The following PDE10A variants were observed in gnomAD, a reference collection of about 807,000 sequenced individuals.
The protein encoded by PDE10A is cAMP and cAMP-inhibited cGMP 3',5'-cyclic phosphodiesterase 10A.
Under a neutral mutation model 97.7 loss-of-function variants are expected in PDE10A, and 39 were observed. That is an observed-to-expected ratio of 0.40 (90% confidence interval 0.31 to 0.52). The LOEUF is 0.52. PDE10A is among the 20% of genes least tolerant of loss of function. The pLI, the probability that PDE10A is intolerant of heterozygous loss-of-function variation, is 0.56. For synonymous variants in PDE10A, 371 were observed against 376.8 expected (o/e 0.98, Z 0.18); for missense variants, 731 against 1,047.8 (o/e 0.70, Z 4.17).
chr6:165,674,768 A>T (rs1790748525), intron 1 of PDE10A, among the ~76,000 whole-genome samples: 1 of 152,190 alleles, frequency 6.6e-6, no homozygotes, highest in Admixed American at 6.5e-5. Context: ...GTACATAGTC[A>T]GTTGCCTCTG....
chr6:165,827,413 A>T (rs577550925), intron 1 of PDE10A, among the ~76,000 whole-genome samples: 2 of 152,330 alleles, frequency 1.3e-5, no homozygotes, highest in South Asian at 4.1e-4. Context: ...AACTCCTCCC[A>T]GTAATTCCTG....
At chr6:165,792,315 T>C (rs1405888720) in intron 1 of PDE10A, among the ~76,000 whole-genome samples, 3 of 152,182 alleles carry the variant, frequency 2.0e-5, no homozygotes, top group African/African-American at 7.2e-5. Flanking sequence ...GGACGCAGGC[T>C]GCAGAGGGCC....
intron 1 of PDE10A, among the ~76,000 whole-genome samples, chr6:165,888,693 G>A (rs183874565): frequency 6.0e-4 from 92 of 152,254 alleles, no homozygotes; most frequent in African/African-American, 2.0e-3. Flanking sequence ...AACAGTGTCC[G>A]GCTCAGAGCA....
intron 1 of PDE10A, among the ~76,000 whole-genome samples, chr6:165,701,673 T>TTG (rs34622069): frequency 0.6 from 88,630 of 148,832 alleles, 26,541 homozygotes; most frequent in African/African-American, 0.7. Flanking sequence ...GCATGTATGT[T>TTG]TGTGTGTGTG....
At chr6:165,824,662 G>A (rs1250346221) in intron 1 of PDE10A, among the ~76,000 whole-genome samples, 2 of 152,196 alleles carry the variant, frequency 1.3e-5, no homozygotes, top group East Asian at 3.8e-4. Flanking sequence ...TAACATGGCA[G>A]CATCACCAAG....
chr6:165,857,698 C>CGTGT (rs775208021), intron 1 of PDE10A, among the ~76,000 whole-genome samples: 7,676 of 123,366 alleles, frequency 0.062, 247 homozygotes, highest in African/African-American at 0.1. Flanking sequence ...TCAACAGTTC[C>CGTGT]GTGTGTGTGT....
At chr6:165,801,967 C>T (rs758353860) in intron 1 of PDE10A, among the ~76,000 whole-genome samples, 21 of 152,210 alleles carry the variant, frequency 1.4e-4, no homozygotes, top group Admixed American at 3.9e-4. Flanking sequence ...CAGGCAGCCA[C>T]GTGTTTTTAA....
intron 1 of PDE10A, among the ~76,000 whole-genome samples, chr6:165,847,937 C>T (rs997766761): frequency 6.6e-6 from 1 of 152,178 alleles, no homozygotes; most frequent in Admixed American, 6.5e-5. Context: ...ATTTCAATAG[C>T]ATAGGTCACA....
intron 1 of PDE10A, among the ~76,000 whole-genome samples, chr6:165,945,233 C>T (rs1242427866): frequency 6.6e-6 from 1 of 152,172 alleles, no homozygotes; most frequent in Non-Finnish European, 1.5e-5. Context: ...CCGTGAACCA[C>T]CTTAGAATCA....
chr6:165,663,978 G>A (rs1458411126), upstream of PDE10A, among the ~76,000 whole-genome samples: 1 of 152,214 alleles, frequency 6.6e-6, no homozygotes, highest in African/African-American at 2.4e-5. Flanking sequence ...GCACACAGAT[G>A]CACAGGTGTC....
chr6:165,834,927 C>T (rs1393285022), intron 1 of PDE10A, among the ~76,000 whole-genome samples: 2 of 152,226 alleles, frequency 1.3e-5, no homozygotes, highest in Non-Finnish European at 2.9e-5. Context: ...AGTGCACCAG[C>T]AGGGTTAGGA....
At chr6:165,881,491 G>A (rs1375983964) in intron 1 of PDE10A, among the ~76,000 whole-genome samples, 1 of 148,696 alleles carries the variant, frequency 6.7e-6, no homozygotes, top group Non-Finnish European at 1.5e-5. Context: ...CCCCTCCTGG[G>A]TTCAGGTGAT....
intron 2 of PDE10A, among the ~76,000 whole-genome samples, chr6:165,489,453 C>T (rs1005437937): frequency 1.3e-5 from 2 of 152,180 alleles, no homozygotes; most frequent in Non-Finnish European, 2.9e-5. Context: ...AACAGCAGCC[C>T]TTGAGTCCCA....
chr6:165,816,181 C>T (rs1874195), intron 1 of PDE10A, among the ~76,000 whole-genome samples: 46,764 of 152,068 alleles, frequency 0.31, 7,976 homozygotes, highest in Middle Eastern at 0.4. Flanking sequence ...AATCTCCTGA[C>T]CTCGTGATCT....
intron 13 of PDE10A, among the ~76,000 whole-genome samples, chr6:165,401,990 C>G (rs1222991320): frequency 6.6e-6 from 1 of 152,026 alleles, no homozygotes; most frequent in East Asian, 1.9e-4. Flanking sequence ...ATTGGTATTA[C>G]CTGTAATACA....
chr6:165,887,584 T>C (rs1781662543), intron 1 of PDE10A, among the ~76,000 whole-genome samples: 1 of 152,166 alleles, frequency 6.6e-6, no homozygotes, highest in Non-Finnish European at 1.5e-5. Context: ...CCAGGCCTTC[T>C]CTTCTCATAA....
At chr6:165,493,884 C>A (rs976345463) in intron 2 of PDE10A, among the ~76,000 whole-genome samples, 2 of 151,706 alleles carry the variant, frequency 1.3e-5, no homozygotes, top group African/African-American at 4.8e-5. Context: ...AATAAACAGA[C>A]AACACACAGA....
chr6:165,348,856 T>G (rs551115079), intron 18 of PDE10A, among the ~76,000 whole-genome samples: 2 of 152,264 alleles, frequency 1.3e-5, no homozygotes, highest in East Asian at 3.9e-4. Context: ...CCCCCTTTGC[T>G]GGGCACTCAT....
intron 1 of PDE10A, among the ~76,000 whole-genome samples, chr6:165,953,736 C>G (rs1301761270): frequency 1.3e-5 from 2 of 152,206 alleles, no homozygotes; most frequent in Non-Finnish European, 2.9e-5. Flanking sequence ...AAGTGATGCA[C>G]CAATACTGAC....
Sources: allele counts gnomAD v4.1 joint callset (sites outside exome capture counted in the v4.1 genomes callset), GRCh38; gene constraint gnomAD v4.1.1; transcripts MANE v1.5; gene names NCBI Gene and HGNC (gene_info 2026-07-23, HGNC 2026-07-21).